The following HDAC9 variants were observed in gnomAD, a reference collection of about 807,000 sequenced individuals.
HDAC9 encodes MEF-2 interacting transcription repressor (MITR) protein.
HDAC9 carries 41 observed loss-of-function variants against 139.4 expected under a neutral mutation model. That is an observed-to-expected ratio of 0.29 (90% confidence interval 0.23 to 0.38). The LOEUF (loss-of-function observed/expected upper bound fraction) is 0.38, where lower values mean the gene tolerates loss of function less well. HDAC9 is among the 10% of genes least tolerant of loss of function. HDAC9 has a pLI of 1.00. For synonymous variants in HDAC9, 517 were observed against 476.2 expected (o/e 1.09, Z -1.12); for missense variants, 1,147 against 1,297.0 (o/e 0.88, Z 1.78).
chr7:18,680,379 C>G (rs1199240021), intron 12 of HDAC9, among the ~76,000 whole-genome samples: 1 of 151,922 alleles, frequency 6.6e-6, no homozygotes, highest in East Asian at 1.9e-4. Flanking sequence ...CAGAACTATT[C>G]AGGTTTTGAT....
At chr7:18,986,719 C>G (rs1785388676) in intron 25 of HDAC9, among the ~76,000 whole-genome samples, 1 of 152,184 alleles carries the variant, frequency 6.6e-6, no homozygotes, top group Non-Finnish European at 1.5e-5. Flanking sequence ...AATATTCTCC[C>G]ATTTGTTTGT....
chr7:18,317,298 A>G (rs1166999045), intron 1 of HDAC9, among the ~76,000 whole-genome samples: 2 of 152,060 alleles, frequency 1.3e-5, no homozygotes, highest in Non-Finnish European at 2.9e-5. Context: ...GTAACTTTGT[A>G]TCATATGTTT....
At chr7:18,512,098 C>G (rs898733573) in intron 2 of HDAC9, among the ~76,000 whole-genome samples, 2 of 151,258 alleles carry the variant, frequency 1.3e-5, no homozygotes, top group Admixed American at 1.3e-4. Flanking sequence ...CATAGAAACT[C>G]TTATTAAACT....
chr7:18,300,412 T>C (rs1213604977), intron 1 of HDAC9, among the ~76,000 whole-genome samples: 2 of 152,130 alleles, frequency 1.3e-5, no homozygotes, highest in African/African-American at 4.8e-5. Flanking sequence ...AGGTTTTCTT[T>C]GACTTATCAA....
intron 2 of HDAC9, among the ~76,000 whole-genome samples, chr7:18,539,979 C>T (rs939623798): frequency 2.0e-5 from 3 of 151,502 alleles, no homozygotes; most frequent in South Asian, 2.1e-4. Flanking sequence ...AAATGTTGGC[C>T]GGGCACGGTG....
intron 17 of HDAC9, among the ~76,000 whole-genome samples, chr7:18,813,516 A>T (rs1794342507): frequency 6.6e-6 from 1 of 152,166 alleles, no homozygotes; most frequent in Non-Finnish European, 1.5e-5. Context: ...AGTGATGACA[A>T]CAGGGGCACA....
At chr7:18,373,069 C>A (rs997639304) in intron 1 of HDAC9, among the ~76,000 whole-genome samples, 21 of 152,068 alleles carry the variant, frequency 1.4e-4, no homozygotes, top group Non-Finnish European at 2.9e-5. Flanking sequence ...AAATTAATAT[C>A]TCCCCCATTA....
intron 3 of HDAC9, among the ~76,000 whole-genome samples, chr7:18,587,043 T>G (rs953058163): frequency 5.9e-5 from 9 of 152,244 alleles, no homozygotes; most frequent in African/African-American, 1.9e-4. Flanking sequence ...GACTGTGTAG[T>G]TCATTTTGCT....
chr7:18,508,846 G>A (rs1319326127), intron 2 of HDAC9, among the ~76,000 whole-genome samples: 1 of 152,132 alleles, frequency 6.6e-6, no homozygotes, highest in African/African-American at 2.4e-5. Context: ...TACCTACAAC[G>A]TGCCAGGTAT....
At chr7:18,090,674 T>G (rs1782085736) in intron 1 of HDAC9, among the ~76,000 whole-genome samples, 1 of 152,192 alleles carries the variant, frequency 6.6e-6, no homozygotes, top group Non-Finnish European at 1.5e-5. Flanking sequence ...AATGGAGTGT[T>G]CACTCCAGAG....
intron 7 of HDAC9, among the ~76,000 whole-genome samples, chr7:18,631,102 G>A (rs567328616): frequency 9.9e-5 from 15 of 151,910 alleles, no homozygotes; most frequent in African/African-American, 2.2e-4. Flanking sequence ...TTTTTCTTCC[G>A]TACCAAATTG....
At chr7:18,978,948 G>T (rs2248166) in intron 25 of HDAC9, among the ~76,000 whole-genome samples, 2,969 of 149,664 alleles carry the variant, frequency 0.02, 96 homozygotes, top group African/African-American at 0.066. Context: ...GTGTGTGTGT[G>T]TTTTTTTTTT....
chr7:18,704,094 T>A (rs1286522047), intron 12 of HDAC9, among the ~76,000 whole-genome samples: 1 of 152,178 alleles, frequency 6.6e-6, no homozygotes, highest in Non-Finnish European at 1.5e-5. Flanking sequence ...GTAACTGGCA[T>A]TTGCTAGATT....
intron 14 of HDAC9, among the ~76,000 whole-genome samples, chr7:18,751,157 C>T (rs1250504234): frequency 6.6e-6 from 1 of 152,070 alleles, no homozygotes; most frequent in African/African-American, 2.4e-5. Flanking sequence ...ACATTATTTT[C>T]ATTCTTTATT....
rs34326798 is a variant in HDAC9, at chr7:18,554,327, CTTTTTTTT to C, written c.23-30934_23-30927del. Among the ~76,000 whole-genome samples the C allele has an allele frequency of 7.9e-3, 460 of 58,378 alleles. 3 individuals carry two copies. Among genetic ancestry groups the C allele is most frequent in the African/African-American group, 0.031 (424 of 13,720 alleles). 38.3% of individuals were successfully genotyped at this position (58,378 alleles called of 152,430 possible). ...GTACACCAACTGGTATTACAGATCA[CTTTTTTTT>C]TTTTTTTTTTTTTTTTTTTGAGACG... On this transcript the variant is annotated intron_variant, in intron 2 of 25. Transcript: ENST00000686413.
At chr7:18,525,629 TTTCATATATACTG>T (rs1402636785) in intron 2 of HDAC9, among the ~76,000 whole-genome samples, 6 of 152,156 alleles carry the variant, frequency 3.9e-5, no homozygotes, top group South Asian at 4.1e-4. Flanking sequence ...GTTCCCAGTT[TTTCATATATACTG>T]TATTGTGTCT....
At chr7:18,654,875 A>G (rs1790592820) in intron 11 of HDAC9, among the ~76,000 whole-genome samples, 2 of 152,152 alleles carry the variant, frequency 1.3e-5, no homozygotes, top group South Asian at 4.1e-4. Context: ...TGACGGTGAG[A>G]CATTCAGATA....
At chr7:18,229,751 C>G (rs1032810888) in intron 2 of HDAC9, among the ~76,000 whole-genome samples, 5 of 152,028 alleles carry the variant, frequency 3.3e-5, no homozygotes, top group African/African-American at 1.2e-4. Context: ...TCTTTGAACA[C>G]CTTTGAACAT....
chr7:18,584,382 C>A (rs766144913), intron 2 of HDAC9, among the ~76,000 whole-genome samples: 19 of 152,100 alleles, frequency 1.2e-4, no homozygotes, highest in Non-Finnish European at 1.8e-4. Flanking sequence ...CCTGCCTTGG[C>A]CTCCCAAAGT....
Sources: gnomAD v4.1 joint callset for allele counts (sites outside exome capture counted in the v4.1 genomes callset) on GRCh38, gnomAD v4.1.1 for gene constraint, MANE v1.5 for transcripts, NCBI Gene and HGNC (gene_info 2026-07-23, HGNC 2026-07-21) for gene names.